Variants in KCNQ3 observed in about 807,000 individuals in gnomAD.
KCNQ3 encodes the protein potassium voltage-gated channel subfamily Q member 3.
A neutral mutation model predicts 92.5 loss-of-function variants in KCNQ3; 30 were observed. The ratio of observed to expected loss-of-function variants is 0.32; its 90% confidence interval spans 0.24 to 0.44. KCNQ3 has a LOEUF of 0.44. Ranked by LOEUF, KCNQ3 falls within the 20% of genes least tolerant of loss-of-function variation. KCNQ3 has a pLI of 1.00. For synonymous variants in KCNQ3, 450 were observed against 468.8 expected (o/e 0.96, Z 0.52); for missense variants, 913 against 1,140.3 (o/e 0.80, Z 2.87).
At chr8:132,292,978 A>G (rs1250930515) in intron 1 of KCNQ3, among the ~76,000 whole-genome samples, 2 of 152,128 alleles carry the variant, frequency 1.3e-5, no homozygotes, top group East Asian at 3.9e-4. Flanking sequence ...TCACATTTCC[A>G]CAGGGTTGTC....
intron 1 of KCNQ3, among the ~76,000 whole-genome samples, chr8:132,331,135 T>C (rs887891608): frequency 2.0e-5 from 3 of 152,170 alleles, no homozygotes; most frequent in Non-Finnish European, 4.4e-5. Flanking sequence ...GGCACTGTCC[T>C]GTGCCCTTTA....
intron 1 of KCNQ3, among the ~76,000 whole-genome samples, chr8:132,449,991 G>T (rs896375333): frequency 6.6e-6 from 1 of 152,162 alleles, no homozygotes; most frequent in Non-Finnish European, 1.5e-5. Context: ...TCACAGTCTT[G>T]CTGACTTTAA....
chr8:132,269,966 A>G (rs537502686), intron 1 of KCNQ3, among the ~76,000 whole-genome samples: 5 of 152,316 alleles, frequency 3.3e-5, no homozygotes, highest in Non-Finnish European at 7.3e-5. Context: ...AGACATATCT[A>G]TATTACTAGA....
At chr8:132,385,825 G>A (rs991392448) in intron 1 of KCNQ3, among the ~76,000 whole-genome samples, 1 of 152,028 alleles carries the variant, frequency 6.6e-6, no homozygotes, top group African/African-American at 2.4e-5. Context: ...GAAAAAGCAA[G>A]GAAGTGTAAT....
intron 7 of KCNQ3, among the ~76,000 whole-genome samples, chr8:132,171,164 A>G (rs1826333945): frequency 6.6e-6 from 1 of 152,212 alleles, no homozygotes; most frequent in African/African-American, 2.4e-5. Flanking sequence ...AGCCTACCAG[A>G]TGAGGTTTTG....
At chr8:132,249,865 G>C (rs1037591957) in intron 1 of KCNQ3, among the ~76,000 whole-genome samples, 1 of 152,186 alleles carries the variant, frequency 6.6e-6, no homozygotes, top group Non-Finnish European at 1.5e-5. Context: ...CACTGCTGGG[G>C]GACCCAGTGC....
chr8:132,408,795 A>G (rs1191813580), intron 1 of KCNQ3, among the ~76,000 whole-genome samples: 1 of 152,196 alleles, frequency 6.6e-6, no homozygotes, highest in African/African-American at 2.4e-5. Flanking sequence ...GGCAGCTAGG[A>G]GCTGGGAGCC....
chr8:132,351,212 C>T (rs1818853619), intron 1 of KCNQ3, among the ~76,000 whole-genome samples: 1 of 152,164 alleles, frequency 6.6e-6, no homozygotes, highest in Admixed American at 6.5e-5. Context: ...TGGATTATTC[C>T]CATTGTTCAG....
At chr8:132,164,341 GTT>G (rs72007031) in intron 8 of KCNQ3, among the ~76,000 whole-genome samples, 11 of 144,962 alleles carry the variant, frequency 7.6e-5, no homozygotes, top group African/African-American at 1.8e-4. Context: ...ATGTAGTCTC[GTT>G]TTTTTTTTTT....
At chr8:132,141,360 TCC>T in intron 9 of KCNQ3, 29 bp from the exon 10 acceptor site, 1 of 1,604,700 alleles carries the variant, frequency 6.2e-7, no homozygotes, top group Non-Finnish European at 8.5e-7. Flanking sequence ...TGAACAATTT[TCC>T]TCCTTCAGTG....
intron 1 of KCNQ3, among the ~76,000 whole-genome samples, chr8:132,337,710 A>G (rs1193900712): frequency 2.0e-5 from 3 of 152,290 alleles, no homozygotes; most frequent in South Asian, 2.1e-4. Flanking sequence ...CACCATGCAC[A>G]CACCATTGCT....
At chr8:132,192,589 T>C (rs988765366) in intron 1 of KCNQ3, among the ~76,000 whole-genome samples, 4 of 152,212 alleles carry the variant, frequency 2.6e-5, no homozygotes, top group African/African-American at 9.7e-5. Context: ...TTCCTTTTCG[T>C]CTGTCCTTTG....
At chr8:132,279,433 C>G (rs1487221398) in intron 1 of KCNQ3, among the ~76,000 whole-genome samples, 1 of 152,080 alleles carries the variant, frequency 6.6e-6, no homozygotes, top group African/African-American at 2.4e-5. Context: ...TGTGGTGAGA[C>G]TTAGTTTAGG....
chr8:132,236,253 T>C (rs1563818329), intron 1 of KCNQ3, among the ~76,000 whole-genome samples: 1 of 152,188 alleles, frequency 6.6e-6, no homozygotes, highest in African/African-American at 2.4e-5. Context: ...AATATTTAAA[T>C]CTTCCAGGGA....
intron 1 of KCNQ3, among the ~76,000 whole-genome samples, chr8:132,462,375 A>G (rs2130859176): frequency 6.6e-6 from 1 of 152,124 alleles, no homozygotes; most frequent in Non-Finnish European, 1.5e-5. Context: ...TTTTCAGTAG[A>G]GAAGGTTTCA....
In KCNQ3 at chr8:132,347,933, C is replaced by T. The variant is rs540303145; in HGVS notation, c.386+132214G>A. Among the ~76,000 whole-genome samples, 32 of 143,056 alleles carry T rather than the reference C, an allele frequency of 2.2e-4. No homozygotes were observed. The East Asian group carries it at 5.0e-3, about 22-fold the overall frequency. The allele number at this position is 143,056 out of a possible 152,430, so 93.9% of individuals were successfully genotyped here. On this transcript the variant is annotated intron_variant, in intron 1 of 14. Coordinates refer to ENST00000388996, the MANE Select transcript of KCNQ3 (RefSeq NM_004519.4). ...CGGAGCTTGCAGTGAGCCAAGAACACGCCACTGCACTTCAGCCTGGGCGAC... is the reference window on the plus strand; with the variant it reads ...CGGAGCTTGCAGTGAGCCAAGAACATGCCACTGCACTTCAGCCTGGGCGAC...
chr8:132,161,586 T>C, intron 9 of KCNQ3, among the ~76,000 whole-genome samples: 1 of 151,498 alleles, frequency 6.6e-6, no homozygotes, highest in East Asian at 1.9e-4. Flanking sequence ...GAGCCGAGAC[T>C]GTGCCACTGC....
intron 1 of KCNQ3, among the ~76,000 whole-genome samples, chr8:132,403,032 A>AAAAAGG (rs61533581): frequency 6.7e-6 from 1 of 148,662 alleles, no homozygotes; most frequent in South Asian, 2.1e-4. Context: ...AAAAAAAAAA[A>AAAAAGG]GTGTCAATAT....
rs531578293 is a variant in KCNQ3, at chr8:132,431,111, A to AG, written c.386+49035_386+49036insC. Among the ~76,000 whole-genome samples the AG allele has an allele frequency of 1.9e-3, 282 of 152,248 alleles. 1 individual carries two copies. Among genetic ancestry groups the AG allele is most frequent in the South Asian group, 4.4e-3 (21 of 4,824 alleles). Reference sequence around the variant, plus strand: ...TCCAGAACCTTCTCCAAGCAGTGCCAAGCCCAGCTCATCCCAGCCTCCTGG... The same window carrying AG: ...TCCAGAACCTTCTCCAAGCAGTGCCAGAGCCCAGCTCATCCCAGCCTCCTGG... On this transcript the variant is annotated intron_variant, in intron 1 of 14. Transcript: ENST00000388996.
Sources: gnomAD v4.1 joint callset for allele counts (sites outside exome capture counted in the v4.1 genomes callset) on GRCh38, gnomAD v4.1.1 for gene constraint, MANE v1.5 for transcripts, NCBI Gene and HGNC (gene_info 2026-07-23, HGNC 2026-07-21) for gene names.